FANK1: variants seen among roughly 807,000 people sequenced by gnomAD.
The protein encoded by FANK1 is fibronectin type 3 and ankyrin repeat domains protein 1.
In FANK1, 44 loss-of-function variants were observed where a neutral mutation model predicts 45.3. That is an observed-to-expected ratio of 0.97 (90% CI 0.76 to 1.25). The LOEUF is 1.25. Ranked by LOEUF, FANK1 falls within the 50% of genes most tolerant of loss-of-function variation. The pLI, the probability that FANK1 is intolerant of heterozygous loss-of-function variation, is 0.00. For missense variants in FANK1, 391 were observed against 424.4 expected (o/e 0.92, Z 0.69); for synonymous variants, 149 against 152.5 (o/e 0.98, Z 0.17).
In FANK1 at chr10:125,988,564, A is replaced by G. The variant is rs1421027341; in HGVS notation, c.205A>G (p.Lys69Glu). 6.2e-7 allele frequency: 1 copy of G among 1,614,150 alleles called. No individual in the cohort carries two copies. Among genetic ancestry groups the G allele is most frequent in the East Asian group, 2.2e-5 (1 of 44,882 alleles). ...CCTCCTGTCTAGGGGATATGCAACG[A>G]AGCATGTTGTTGAAGGTCTGGAACC... ...YGIIYTGYAT[K>E]HVVEGLEPRT... Residue 69 changes from lysine to glutamate, a missense_variant, in exon 3 of 11, where the codon AAG becomes GAG. Physicochemically the swap from Lys to Glu is moderately conservative, Grantham distance 56 (BLOSUM62 1). Transcript: ENST00000368693.
chr10:126,001,465 G>A (rs924958804), intron 6 of FANK1, among the ~76,000 whole-genome samples: 20 of 150,414 alleles, frequency 1.3e-4, no homozygotes, highest in African/African-American at 4.9e-4. Context: ...CCTGAGCAGG[G>A]GACTCAGCAG....
At chr10:125,967,004 G>T (rs769193417) in intron 1 of FANK1, among the ~76,000 whole-genome samples, 2 of 151,994 alleles carry the variant, frequency 1.3e-5, no homozygotes, top group Admixed American at 6.6e-5. Flanking sequence ...TTGTAAGTTC[G>T]TACCCTTTCC....
chr10:125,917,372 C>T (rs564723300), intron 1 of FANK1, among the ~76,000 whole-genome samples: 78 of 152,176 alleles, frequency 5.1e-4, no homozygotes, highest in African/African-American at 1.8e-3. Context: ...CTGCTATTGC[C>T]CAGTGGGAGC....
At chr10:125,988,802 G>T in intron 3 of FANK1, 127 bp downstream of exon 3, 1 of 1,438,632 alleles carries the variant, frequency 7.0e-7, no homozygotes, top group South Asian at 1.2e-5. Flanking sequence ...TTTAAACACT[G>T]CAATAATATT....
intron 2 of FANK1, among the ~76,000 whole-genome samples, chr10:125,987,065 A>G (rs1467544765): frequency 6.6e-6 from 1 of 152,106 alleles, no homozygotes; most frequent in Non-Finnish European, 1.5e-5. Context: ...TTTATTAGTG[A>G]TGCTAACTCC....
At chr10:125,989,358 G>T (rs1279663303) in intron 3 of FANK1, 11 of 1,551,192 alleles carry the variant, frequency 7.1e-6, no homozygotes, top group Non-Finnish European at 9.6e-6. Flanking sequence ...GAAAACACAG[G>T]CAAGTAATTT....
chr10:126,000,117 A>C (rs1952647861), intron 6 of FANK1, among the ~76,000 whole-genome samples: 1 of 152,238 alleles, frequency 6.6e-6, no homozygotes, highest in African/African-American at 2.4e-5. Context: ...TGAGAGATAT[A>C]AAAATTTAAG....
chr10:125,975,865 A>T (rs1374339218), intron 1 of FANK1, among the ~76,000 whole-genome samples: 1 of 152,138 alleles, frequency 6.6e-6, no homozygotes, highest in African/African-American at 2.4e-5. Flanking sequence ...GCTGTCACTG[A>T]TCCTGTCATT....
intron 1 of FANK1, among the ~76,000 whole-genome samples, chr10:125,901,015 C>A (rs1944993375): frequency 6.6e-6 from 1 of 151,980 alleles, no homozygotes; most frequent in African/African-American, 2.4e-5. Context: ...GCTGTGTGGC[C>A]CAGGTATGCC....
chr10:125,936,111 G>A (rs929541538), intron 1 of FANK1, among the ~76,000 whole-genome samples: 60 of 152,154 alleles, frequency 3.9e-4, no homozygotes, highest in African/African-American at 1.4e-3. Context: ...TAGGACAAAT[G>A]GAAACATCAG....
intron 8 of FANK1, 76 bp downstream of exon 8, chr10:126,008,626 C>A: frequency 1.3e-6 from 2 of 1,515,856 alleles, no homozygotes; most frequent in Non-Finnish European, 1.8e-6. Context: ...TTAGACAATT[C>A]TTGTGAGTTC....
chr10:125,939,187 G>A (rs1948293294), intron 1 of FANK1, among the ~76,000 whole-genome samples: 1 of 152,096 alleles, frequency 6.6e-6, no homozygotes, highest in Admixed American at 6.6e-5. Flanking sequence ...AACGAAAGAT[G>A]GGCATCTGTT....
chr10:125,967,469 G>A (rs1178596960), intron 1 of FANK1, among the ~76,000 whole-genome samples: 2 of 152,196 alleles, frequency 1.3e-5, no homozygotes, highest in Non-Finnish European at 2.9e-5. Context: ...AATAACCCAG[G>A]TTTGGGCAGG....
At chr10:126,009,157 G>C in intron 9 of FANK1, 26 bp downstream of exon 9, 1 of 1,614,154 alleles carries the variant, frequency 6.2e-7, no homozygotes, top group Non-Finnish European at 8.5e-7. Context: ...TTTATGTAAA[G>C]ATTTTCCTCG....
chr10:125,899,355 C>A (rs1007827942), intron 1 of FANK1, among the ~76,000 whole-genome samples: 2 of 152,126 alleles, frequency 1.3e-5, no homozygotes, highest in African/African-American at 4.8e-5. Flanking sequence ...CCACCGTGCC[C>A]GGCCCCTAAT....
chr10:125,909,342 G>A (rs1945800831), intron 1 of FANK1, among the ~76,000 whole-genome samples: 1 of 151,982 alleles, frequency 6.6e-6, no homozygotes, highest in Non-Finnish European at 1.5e-5. Context: ...ATTAGCAACT[G>A]GAATACTGTT....
chr10:125,980,293 T>C lies in FANK1; in HGVS notation c.146T>C (p.Ile49Thr), dbSNP rs774229266. 2.8e-5 allele frequency: 45 copies of C among 1,613,802 alleles called. No individual in the cohort carries two copies. The highest frequency in any genetic ancestry group is 2.1e-4 in the South Asian group (19 of 91,074). ...GPQEQWFRFS[I>T]EEEDPKMHTY... ...CAAGAGCAGTGGTTCAGGTTCTCGA[T>C]TGAAGAAGAAGACCCCAAAATGCAC... Residue 49 changes from isoleucine (I) to threonine (T), a missense_variant, in exon 2 of 11, where the codon ATT becomes ACT. By Grantham distance (89) the Ile-to-Thr change is moderately conservative (BLOSUM62 -1). Transcript: ENST00000368693.
chr10:125,981,327 G>C (rs1951196788), intron 2 of FANK1, among the ~76,000 whole-genome samples: 1 of 152,084 alleles, frequency 6.6e-6, no homozygotes, highest in Admixed American at 6.6e-5. Context: ...AGGCAACATA[G>C]TGAAATCCCA....
At chr10:125,971,359 T>C (rs1222635993) in intron 1 of FANK1, among the ~76,000 whole-genome samples, 1 of 151,912 alleles carries the variant, frequency 6.6e-6, no homozygotes, top group African/African-American at 2.4e-5. Flanking sequence ...ATACCATCTT[T>C]CCTTTCCTGG....
Sources: gnomAD v4.1 joint callset for allele counts (sites outside exome capture counted in the v4.1 genomes callset) on GRCh38, gnomAD v4.1.1 for gene constraint, MANE v1.5 for transcripts, NCBI Gene and HGNC (gene_info 2026-07-23, HGNC 2026-07-21) for gene names.